Variants in SPRR2G observed in about 807,000 individuals in gnomAD.
SPRR2G encodes the protein small proline rich protein 2G.
SPRR2G carries 1 observed loss-of-function variant against 0.7 expected under a neutral mutation model. That is an observed-to-expected ratio of 1.49 (90% CI 0.53 to 7.06). The LOEUF (loss-of-function observed/expected upper bound fraction) is 7.06. Among genes scored for constraint, SPRR2G ranks in the 30% most tolerant of loss-of-function variants. The pLI is 0.14. For missense variants in SPRR2G, 96 were observed against 88.5 expected (o/e 1.09, Z -0.34); for synonymous variants, 38 against 33.9 (o/e 1.12, Z -0.42).
chr1:153,183,804 T>C, the SPRR2G span, among the ~76,000 whole-genome samples: 7 of 152,346 alleles, frequency 4.6e-5, no homozygotes, highest in East Asian at 1.4e-3. Flanking sequence ...CATGCCTATG[T>C]CCTGAATGGT....
At chr1:153,171,917 G>A in the SPRR2G span, among the ~76,000 whole-genome samples, 1 of 151,248 alleles carries the variant, frequency 6.6e-6, no homozygotes, top group South Asian at 2.1e-4. Flanking sequence ...CATGCCCCCC[G>A]AATCCCCAGC....
the SPRR2G span, among the ~76,000 whole-genome samples, chr1:153,165,610 C>A: frequency 6.6e-6 from 1 of 152,204 alleles, no homozygotes; most frequent in Non-Finnish European, 1.5e-5. Flanking sequence ...TCTCCCAGAA[C>A]TCCTTTGGTC....
At chr1:153,179,069 G>A in the SPRR2G span, among the ~76,000 whole-genome samples, 5 of 152,180 alleles carry the variant, frequency 3.3e-5, no homozygotes, top group African/African-American at 1.2e-4. Context: ...AGCTAGGCAA[G>A]TCTAAAATCC....
the SPRR2G span, among the ~76,000 whole-genome samples, chr1:153,168,899 A>AGTGTGTGTGTGTGTGTGTGT: frequency 1.5e-4 from 14 of 91,036 alleles, no homozygotes; most frequent in African/African-American, 5.3e-4. Flanking sequence ...TGTACTCATG[A>AGTGTGTGTGTGTGTGTGTGT]GTGTATGTGT....
At chr1:153,151,139 G>T (rs1318640950), upstream of SPRR2G, among the ~76,000 whole-genome samples, 1 of 152,214 alleles carries the variant, frequency 6.6e-6, no homozygotes, top group East Asian at 1.9e-4. Context: ...TCTGACAATT[G>T]TGGTGCTTCC....
At chr1:153,163,901 A>G in the SPRR2G span, among the ~76,000 whole-genome samples, 2 of 152,186 alleles carry the variant, frequency 1.3e-5, no homozygotes, top group African/African-American at 4.8e-5. Flanking sequence ...CCAAAACTCT[A>G]TATCAACATC....
chr1:153,177,701 T>C, the SPRR2G span, among the ~76,000 whole-genome samples: 1 of 152,204 alleles, frequency 6.6e-6, no homozygotes, highest in African/African-American at 2.4e-5. Flanking sequence ...TATCTATATG[T>C]GTATTCATAC....
the SPRR2G span, among the ~76,000 whole-genome samples, chr1:153,196,562 A>G: frequency 6.6e-6 from 1 of 150,746 alleles, no homozygotes; most frequent in Non-Finnish European, 1.5e-5. Flanking sequence ...CCTGTGGCAA[A>G]AGAAGATCAT....
chr1:153,179,085 T>A, the SPRR2G span, among the ~76,000 whole-genome samples: 1 of 152,274 alleles, frequency 6.6e-6, no homozygotes, highest in Admixed American at 6.5e-5. Flanking sequence ...AATCCAGAAG[T>A]CAGGACATCA....
the SPRR2G span, among the ~76,000 whole-genome samples, chr1:153,157,848 G>A: frequency 6.9e-6 from 1 of 145,146 alleles, no homozygotes; most frequent in Non-Finnish European, 1.5e-5. Context: ...CTGGAGGGGG[G>A]CCACACTTAC....
the SPRR2G span, among the ~76,000 whole-genome samples, chr1:153,157,382 G>T: frequency 1.3e-5 from 2 of 152,184 alleles, no homozygotes; most frequent in African/African-American, 4.8e-5. Context: ...CAAACAAAGT[G>T]TGGGAGAGTA....
At position 153,149,603 on chromosome 1, in the gene SPRR2G, T is replaced by A. The variant is rs1022882807; in HGVS notation, c.*286A>T. Reference sequence around the variant, plus strand: ...AATGTGGGCTTGACCATGAAACATGTGCTTTATTGGGGAGAAGCAAAAGAA... The same window carrying A: ...AATGTGGGCTTGACCATGAAACATGAGCTTTATTGGGGAGAAGCAAAAGAA... On this transcript the variant is annotated 3_prime_UTR_variant, in exon 2 of 2. Coordinates refer to ENST00000368748, the MANE Select transcript of SPRR2G (RefSeq NM_001014291.4). 8.1e-6 allele frequency: 4 copies of A among 495,086 alleles called. No homozygotes were observed. Among genetic ancestry groups the A allele is most frequent in the Non-Finnish European group, 1.5e-5 (4 of 272,590 alleles). 30.7% of individuals were successfully genotyped at this position (495,086 alleles called of 1,614,324 possible).
the SPRR2G span, among the ~76,000 whole-genome samples, chr1:153,172,316 C>G: frequency 8.5e-3 from 1,294 of 152,230 alleles, 26 homozygotes; most frequent in African/African-American, 0.029. Flanking sequence ...GAGTTCTTTC[C>G]TGGTGGCACC....
At chr1:153,193,028 T>G in the SPRR2G span, among the ~76,000 whole-genome samples, 1 of 152,026 alleles carries the variant, frequency 6.6e-6, no homozygotes, top group East Asian at 1.9e-4. Context: ...TTTTGAGAGA[T>G]TAGGTAAACC....
the SPRR2G span, among the ~76,000 whole-genome samples, chr1:153,175,428 G>A: frequency 6.6e-6 from 1 of 152,102 alleles, no homozygotes; most frequent in Non-Finnish European, 1.5e-5. Context: ...CCTCTCCCTG[G>A]GTTTGGCTTA....
At chr1:153,160,486 T>C in the SPRR2G span, among the ~76,000 whole-genome samples, 3 of 152,254 alleles carry the variant, frequency 2.0e-5, no homozygotes, top group African/African-American at 7.2e-5. Context: ...TTTTCCATAG[T>C]AGCTGCACCA....
At chr1:153,175,899 A>T in the SPRR2G span, among the ~76,000 whole-genome samples, 1 of 152,172 alleles carries the variant, frequency 6.6e-6, no homozygotes, top group African/African-American at 2.4e-5. Flanking sequence ...TCTACTAAAA[A>T]TACAAAAATT....
chr1:153,153,128 A>C (rs1656508318), upstream of SPRR2G, among the ~76,000 whole-genome samples: 1 of 152,214 alleles, frequency 6.6e-6, no homozygotes, highest in African/African-American at 2.4e-5. Context: ...AACCGTGGTT[A>C]TCTCAGGAGA....
chr1:153,160,160 T>G, the SPRR2G span, among the ~76,000 whole-genome samples: 1 of 151,490 alleles, frequency 6.6e-6, no homozygotes, highest in African/African-American at 2.4e-5. Flanking sequence ...ATGCAGTATT[T>G]TTCCTTCTAC....
Sources: gnomAD v4.1 joint callset for allele counts (sites outside exome capture counted in the v4.1 genomes callset) on GRCh38, gnomAD v4.1.1 for gene constraint, MANE v1.5 for transcripts, NCBI Gene and HGNC (gene_info 2026-07-23, HGNC 2026-07-21) for gene names.